NCOA7: variants seen among roughly 807,000 people sequenced by gnomAD.
NCOA7 encodes 140 kDa estrogen receptor-associated protein.
Under a neutral mutation model 104.3 loss-of-function variants are expected in NCOA7, and 45 were observed. That is an observed-to-expected ratio of 0.43 (90% CI 0.34 to 0.55). NCOA7 has a LOEUF of 0.55. NCOA7 is among the 20% of genes least tolerant of loss of function. NCOA7 has a pLI of 0.02. For missense variants in NCOA7, 1,041 were observed against 1,119.7 expected (o/e 0.93, Z 1.00); for synonymous variants, 398 against 402.3 (o/e 0.99, Z 0.13).
At chr6:125,906,971 C>T (rs905608152) in intron 10 of NCOA7, among the ~76,000 whole-genome samples, 13 of 152,286 alleles carry the variant, frequency 8.5e-5, no homozygotes, top group South Asian at 2.1e-4. Flanking sequence ...GAGAATTGAG[C>T]GGAAGGATTG....
chr6:125,892,386 A>T (rs1784687349), intron 10 of NCOA7, among the ~76,000 whole-genome samples: 1 of 152,072 alleles, frequency 6.6e-6, no homozygotes, highest in African/African-American at 2.4e-5. Context: ...TTCTTATACC[A>T]CTTCAAGTGG....
Position 125,927,680 on chromosome 6 carries a change from A to G in NCOA7, c.2541A>G (p.Ala847=). 6.2e-7 allele frequency: 1 copy of G among 1,613,984 alleles called. No individual in the cohort carries two copies. The highest frequency in any genetic ancestry group is 8.5e-7 in the Non-Finnish European group (1 of 1,179,898). ...DMDNQIFGAY[A]THPFKFSDHY... ...TTTGACAGATTTTTGGAGCATATGC[A>G]ACTCATCCTTTCAAGTTCAGTGACC... Residue 847 remains alanine (A), a synonymous_variant, in exon 14 of 16, where the codon GCA becomes GCG. Transcript: ENST00000392477.
chr6:125,911,961 T>C (rs1786601105), intron 10 of NCOA7, among the ~76,000 whole-genome samples: 1 of 152,230 alleles, frequency 6.6e-6, no homozygotes, highest in African/African-American at 2.4e-5. Flanking sequence ...TGGTTGTAGC[T>C]AGGAGGCATG....
intron 2 of NCOA7, among the ~76,000 whole-genome samples, chr6:125,834,891 G>A (rs956402225): frequency 1.3e-5 from 2 of 152,166 alleles, no homozygotes; most frequent in Admixed American, 1.3e-4. Flanking sequence ...ATTAGTGATT[G>A]GCTATGCATT....
At chr6:125,926,696 T>G (rs1015328330) in intron 13 of NCOA7, among the ~76,000 whole-genome samples, 1 of 152,198 alleles carries the variant, frequency 6.6e-6, no homozygotes, top group Non-Finnish European at 1.5e-5. Context: ...AGCCAGGAAC[T>G]GAGTGTAAGT....
Position 125,874,280 on chromosome 6 carries a change from G to T in NCOA7, c.272-609G>T, listed in dbSNP as rs759549584. On this transcript the variant is annotated intron_variant, in intron 3 of 15. Transcript: ENST00000392477. The stretch of plus-strand genomic sequence containing the variant: ...ACAGAGGTTGCAGTGAGCCGAGATC[G>T]TGCCGCTGCACTCCAGCCTGGGTGA... Among the ~76,000 whole-genome samples the T allele has an allele frequency of 3.3e-5, 5 of 152,198 alleles. No homozygotes were observed. The East Asian group carries it at 9.6e-4, about 29-fold the overall frequency.
At chr6:125,837,483 C>G (rs1034473006) in intron 2 of NCOA7, among the ~76,000 whole-genome samples, 6 of 152,172 alleles carry the variant, frequency 3.9e-5, no homozygotes, top group Non-Finnish European at 1.5e-5. Flanking sequence ...TCCTCTTTCT[C>G]CATCTCTCTG....
At position 125,922,784 on chromosome 6, in the gene NCOA7, G is replaced by A. The variant is rs758012563; in HGVS notation, c.2473G>A (p.Ala825Thr). Residue 825 changes from alanine to threonine, a missense_variant, in exon 13 of 16, where the codon GCA becomes ACA. Physicochemically the swap from Ala to Thr is moderately conservative, Grantham distance 58. Coordinates refer to ENST00000392477, the MANE Select transcript of NCOA7 (RefSeq NM_181782.5). ...TSLKTLYRKS[A>T]SLDSPVLLVI... ...CTTAAAGACGCTCTACCGGAAATCG[G>A]CATCACTAGACAGTCCTGTCCTATT... 8.1e-6 allele frequency: 13 copies of A among 1,613,994 alleles called. No homozygotes were observed. Among genetic ancestry groups the A allele is most frequent in the Middle Eastern group, 1.6e-4 (1 of 6,062 alleles).
At position 125,928,872 on chromosome 6, in the gene NCOA7, C is replaced by T. The variant is rs1788281959; in HGVS notation, c.*101C>T. 1.6e-6 allele frequency: 2 copies of T among 1,249,736 alleles called. No homozygotes were observed. Among genetic ancestry groups the T allele is most frequent in the East Asian group, 2.5e-5 (1 of 40,476 alleles). 77.4% of individuals were successfully genotyped at this position (1,249,736 alleles called of 1,614,324 possible). A position where few individuals can be genotyped will look rare whatever the true frequency, so the allele number is the denominator to read the frequency against. On this transcript the variant is annotated 3_prime_UTR_variant, in exon 16 of 16. Coordinates refer to ENST00000392477, the MANE Select transcript of NCOA7 (RefSeq NM_181782.5). ...AGCCCCAGCCCAGCCTGCCTCATCC[C>T]ACCCCAATGCTTCCTTTCTGCCATC... is the stretch of plus-strand genomic sequence containing the variant.
intron 10 of NCOA7, among the ~76,000 whole-genome samples, chr6:125,911,734 G>C (rs1023744066): frequency 5.9e-5 from 9 of 152,170 alleles, no homozygotes; most frequent in Non-Finnish European, 1.0e-4. Context: ...TAAGCATCGT[G>C]ACTCTGGTCG....
At chr6:125,807,402 G>C (rs1776562159) in intron 1 of NCOA7, among the ~76,000 whole-genome samples, 1 of 152,140 alleles carries the variant, frequency 6.6e-6, no homozygotes, top group South Asian at 2.1e-4. Flanking sequence ...ATTATAATCT[G>C]TTTATTCTGG....
chr6:125,847,719 A>G (rs573926900), intron 2 of NCOA7, among the ~76,000 whole-genome samples: 4 of 152,374 alleles, frequency 2.6e-5, no homozygotes, highest in East Asian at 1.9e-4. Context: ...AAACCTAGGC[A>G]ATGCCATTCA....
intron 3 of NCOA7, among the ~76,000 whole-genome samples, chr6:125,866,386 C>T (rs1782446828): frequency 6.6e-6 from 1 of 152,154 alleles, no homozygotes; most frequent in African/African-American, 2.4e-5. Flanking sequence ...AGTCTTGAAT[C>T]TCTCTGCATT....
At chr6:125,886,278 C>T (rs1027990847) in intron 8 of NCOA7, among the ~76,000 whole-genome samples, 12 of 152,090 alleles carry the variant, frequency 7.9e-5, no homozygotes, top group Admixed American at 4.6e-4. Context: ...CTTCCCCAAC[C>T]TCAAGCCACT....
In NCOA7 at chr6:125,915,339, T is replaced by A. The variant is rs1786967721; in HGVS notation, c.2103T>A (p.Asp701Glu). The A allele has an allele frequency of 6.2e-7, 1 of 1,613,558 alleles. No individual in the cohort carries two copies. Among genetic ancestry groups the A allele is most frequent in the Non-Finnish European group, 8.5e-7 (1 of 1,179,660 alleles). The change falls in exon 11 of 16, where the codon GAT becomes GAA. Residue 701 changes from aspartate to glutamate, a missense_variant. Around this residue, in one of 2 missense-constraint regions of NCOA7, gnomAD observed 914 missense variants for 942.7 expected, o/e 0.97. Transcript: ENST00000392477. ...YWFAVPRERV[D>E]HLYTFFVQWS... ...TCACAAACGTGTTTTTCAGGGTGGA[T>A]CATTTGTACACATTCTTTGTTCAGT...
intron 3 of NCOA7, among the ~76,000 whole-genome samples, chr6:125,869,132 G>A (rs1413780606): frequency 6.6e-6 from 1 of 152,188 alleles, no homozygotes. Flanking sequence ...ATTCACAGAT[G>A]TCTGTACGGA....
Position 125,921,019 on chromosome 6 carries a change from C to T in NCOA7, c.2321C>T (p.Pro774Leu), listed in dbSNP as rs772534310. ...YYEDEDEEVL[P>L]VLRPHSALLE... ...GAAGACGAGGACGAAGAGGTGCTGC[C>T]TGTCCTACGGCCCCACAGCGCGCTC... The change falls in exon 12 of 16, where the codon CCT becomes CTT. Residue 774 changes from proline (P) to leucine (L), a missense_variant. By Grantham distance (98) the Pro-to-Leu change is moderately conservative. This residue lies in a region of NCOA7 where 914 missense variants were observed against 942.7 expected (regional missense o/e 0.97). Coordinates refer to ENST00000392477, the MANE Select transcript of NCOA7 (RefSeq NM_181782.5). 1 of 1,613,874 alleles carries T rather than the reference C, an allele frequency of 6.2e-7. No individual in the cohort carries two copies. Among genetic ancestry groups the T allele is most frequent in the Admixed American group, 1.7e-5 (1 of 60,020 alleles).
intron 5 of NCOA7, among the ~76,000 whole-genome samples, chr6:125,880,857 T>G (rs1440971808): frequency 6.6e-6 from 1 of 152,156 alleles, no homozygotes; most frequent in African/African-American, 2.4e-5. Flanking sequence ...TTTTGAGTTC[T>G]TGCAGTGTCT....
chr6:125,813,256 G>C (rs1267942323), intron 1 of NCOA7, among the ~76,000 whole-genome samples: 1 of 152,054 alleles, frequency 6.6e-6, no homozygotes, highest in East Asian at 1.9e-4. Flanking sequence ...CAGTGAAGGG[G>C]GTGGGCTGCA....
Sources: gnomAD v4.1 joint callset for allele counts (sites outside exome capture counted in the v4.1 genomes callset) on GRCh38, gnomAD v4.1.1 for gene constraint, gnomAD v4.1.1 regional missense constraint, MANE v1.5 for transcripts, NCBI Gene and HGNC (gene_info 2026-07-23, HGNC 2026-07-21) for gene names.